Variants in MUC20 observed in about 807,000 individuals in gnomAD.
MUC20 encodes mucin 20, cell surface associated, also known as mucin-20.
In MUC20, 14 loss-of-function variants were observed where a neutral mutation model predicts 23.8. The observed-to-expected ratio is 0.59, with a 90% confidence interval of 0.39 to 0.92. MUC20 has a LOEUF of 0.92. Among genes scored for constraint, MUC20 ranks in the 40% least tolerant of loss-of-function variants. The pLI, the probability that MUC20 is intolerant of heterozygous loss-of-function variation, is 0.00. For missense variants in MUC20, 375 were observed against 668.8 expected (o/e 0.56, Z 4.85); for synonymous variants, 166 against 279.3 (o/e 0.59, Z 4.04).
In MUC20 at chr3:195,733,159, G is replaced by C; in HGVS notation, c.2071G>C (p.Glu691Gln). ...AERLMQQLHR[E>Q]LHAHAPHFQV... Reference sequence around the variant, plus strand: ...CTCTTTTGCTCTCCAGCTCCACCGGGAACTCCACGCCCACGCGCCTCACTT... The same window carrying C: ...CTCTTTTGCTCTCCAGCTCCACCGGCAACTCCACGCCCACGCGCCTCACTT... The change falls in exon 4 of 4, where the codon GAA becomes CAA. Residue 691 changes from glutamate to glutamine, a missense_variant. Around this residue, in one of 4 missense-constraint regions of MUC20, gnomAD observed 343 missense variants for 340.2 expected, o/e 1.01. Transcript: ENST00000447234. 3 of 1,591,484 alleles carry C rather than the reference G, an allele frequency of 1.9e-6. No homozygotes were observed. The highest frequency in any genetic ancestry group is 1.2e-5 in the South Asian group (1 of 86,384).
intron 3 of MUC20, 153 bp downstream of exon 3, chr3:195,729,892 C>G: frequency 1.3e-6 from 1 of 767,080 alleles, no homozygotes; most frequent in Non-Finnish European, 2.1e-6. Flanking sequence ...CTGAGGATCT[C>G]TGCCTGGCTT....
chr3:195,723,634 C>T (rs1407670632), intron 1 of MUC20, among the ~76,000 whole-genome samples: 4 of 81,428 alleles, frequency 4.9e-5, no homozygotes, highest in Non-Finnish European at 9.9e-5. Context: ...CAAATTTAAC[C>T]GAGTACCCTG....
rs1479582756 is a variant in MUC20 at position 195,721,280 on chromosome 3, G to A, written c.76+197G>A. 2.7e-3 allele frequency among the ~76,000 whole-genome samples: 411 copies of A among 151,798 alleles called. 1 individual carries two copies. Among genetic ancestry groups the A allele is most frequent in the African/African-American group, 9.3e-3 (384 of 41,098 alleles). On this transcript the variant is annotated intron_variant, in intron 1 of 3. Transcript: ENST00000447234. ...CAGTGTGAGTGTAAGCGTGCATGGC[G>A]CTGCAGTACACACTAATCAACCATG...
Position 195,729,793 on chromosome 3 carries a change from G to C in MUC20, c.2061+54G>C, listed in dbSNP as rs1361542405. ...GTAGAGGAAGGGGCGAGGTTCGCAG[G>C]GGCTGCAGGGAAGACCCGCAGGACA... On this transcript the variant is annotated intron_variant, in intron 3 of 3. Transcript: ENST00000447234. The C allele has an allele frequency of 4.0e-6, 6 of 1,510,086 alleles. No individual in the cohort carries two copies. The African/African-American group carries it at 6.9e-5, about 17-fold the overall frequency. 93.5% of individuals were successfully genotyped at this position (1,510,086 alleles called of 1,614,324 possible). A position where few individuals can be genotyped will look rare whatever the true frequency, so the allele number is the denominator to read the frequency against.
intron 3 of MUC20, chr3:195,730,237 T>A (rs962256122): frequency 6.4e-6 from 1 of 157,254 alleles, no homozygotes; most frequent in African/African-American, 2.4e-5. Flanking sequence ...CTTTACTCCC[T>A]TCATTCTTCA....
In MUC20 at chr3:195,729,695, G is replaced by T; in HGVS notation, c.2017G>T (p.Glu673Ter). ...CCTGCGGCTGAGTGTGGCTTCCCCG[G>T]AAGACCTCACTGACCCCAGAGTGGC... ...LLLRLSVASP[E>*]DLTDPRVAER... The change falls in exon 3 of 4, where the codon GAA becomes TAA. Residue 673 changes from glutamate to a stop codon, truncating the protein, a stop_gained. Transcript: ENST00000447234. LOFTEE classifies it low-confidence loss of function (END_TRUNC). 6.3e-7 allele frequency: 1 copy of T among 1,597,262 alleles called. No homozygotes were observed. The highest frequency in any genetic ancestry group is 2.3e-5 in the East Asian group (1 of 44,262).
chr3:195,726,400 C>T lies in MUC20; in HGVS notation c.1797C>T (p.Pro599=). ...TPTMDIATKG[P]FPTSRDPLPS... is the part of the protein sequence containing the mutation. ...CCATGGACATCGCAACCAAGGGGCC[C>T]TTCCCCACCAGCAGGGACCCTCTTC... Residue 599 remains proline, a synonymous_variant, in exon 2 of 4, where the codon CCC becomes CCT. Coordinates refer to ENST00000447234, the MANE Select transcript of MUC20 (RefSeq NM_001282506.2). 6.2e-7 allele frequency: 1 copy of T among 1,614,082 alleles called. No individual in the cohort carries two copies. The highest frequency in any genetic ancestry group is 8.5e-7 in the Non-Finnish European group (1 of 1,179,898).
At chr3:195,729,401 C>T in intron 2 of MUC20, 1 of 481,012 alleles carries the variant, frequency 2.1e-6, no homozygotes, top group Non-Finnish European at 3.7e-6. Context: ...ACCACAACCT[C>T]CGCCTCCCAG....
chr3:195,722,054 T>G, intron 1 of MUC20: 1 of 172,454 alleles, frequency 5.8e-6, no homozygotes, highest in Non-Finnish European at 1.1e-5. Context: ...CAGTGGAGAG[T>G]CTGGAGTTCC....
intron 2 of MUC20, 48 bp downstream of exon 2, chr3:195,726,620 T>A (rs767760671): frequency 1.3e-6 from 2 of 1,567,566 alleles, no homozygotes; most frequent in Admixed American, 3.5e-5. Flanking sequence ...ATGCGGAGTT[T>A]CCAGGACGTC....
chr3:195,729,479 G>C, intron 2 of MUC20, 169 bp from the exon 3 acceptor site: 1 of 661,278 alleles, frequency 1.5e-6, no homozygotes, highest in Non-Finnish European at 2.6e-6. Context: ...ACCATGCCCG[G>C]CTCATTTTGT....
rs1291473171 is a variant in MUC20 at position 195,725,764 on chromosome 3, C to T, written c.1161C>T (p.Ala387=). The change falls in exon 2 of 4, where the codon GCC becomes GCT. Residue 387 remains alanine (A), a synonymous_variant. Transcript: ENST00000447234. ...CGTCACGGGCCTCAGAGAGCAGCGC[C>T]TCTTCCGACGGCCCCCATCCAGTCA... The part of the protein sequence containing the change: ...ITPSRASESS[A]SSDGPHPVIT... 1 of 1,473,458 alleles carries T rather than the reference C, an allele frequency of 6.8e-7. No individual in the cohort carries two copies. Among genetic ancestry groups the T allele is most frequent in the East Asian group, 2.3e-5 (1 of 43,142 alleles). 91.3% of individuals were successfully genotyped at this position (1,473,458 alleles called of 1,614,324 possible).
chr3:195,727,546 T>C (rs1352967205), intron 2 of MUC20, among the ~76,000 whole-genome samples: 1 of 152,288 alleles, frequency 6.6e-6, no homozygotes, highest in Non-Finnish European at 1.5e-5. Flanking sequence ...CACTCTGCCC[T>C]TGGGCCTCAT....
In MUC20 at chr3:195,729,671, C is replaced by T. The variant is rs1311527695; in HGVS notation, c.1993C>T (p.Leu665=). The change falls in exon 3 of 4, where the codon CTG becomes TTG. Residue 665 remains leucine (L), a synonymous_variant. Transcript: ENST00000447234. The part of the protein sequence containing the change: ...SAGENGGFLL[L]RLSVASPEDL... ...AGGTGAAAATGGAGGTTTCCTCCTC[C>T]TGCGGCTGAGTGTGGCTTCCCCGGA... 7.5e-6 allele frequency: 12 copies of T among 1,591,334 alleles called. No individual in the cohort carries two copies. Among genetic ancestry groups the T allele is most frequent in the South Asian group, 1.1e-5 (1 of 87,420 alleles).
chr3:195,721,330 C>T (rs1411735831), intron 1 of MUC20, among the ~76,000 whole-genome samples: 1 of 152,132 alleles, frequency 6.6e-6, no homozygotes, highest in African/African-American at 2.4e-5. Context: ...TGTAAGCGTG[C>T]CTGGCGCTGC....
chr3:195,730,819 A>G (rs1328273711), intron 3 of MUC20, among the ~76,000 whole-genome samples: 3 of 152,250 alleles, frequency 2.0e-5, no homozygotes, highest in African/African-American at 7.2e-5. Context: ...GATGAGGACC[A>G]TGATTGGGAT....
At chr3:195,727,095 G>A (rs1418585253) in intron 2 of MUC20, among the ~76,000 whole-genome samples, 3 of 152,290 alleles carry the variant, frequency 2.0e-5, no homozygotes. Flanking sequence ...GCCATAGATA[G>A]TGACTTAAAA....
chr3:195,733,068 C>G (rs958650347), intron 3 of MUC20, 82 bp from the exon 4 acceptor site: 2 of 1,450,414 alleles, frequency 1.4e-6, no homozygotes, highest in Non-Finnish European at 1.9e-6. Context: ...CACTCTGCCC[C>G]AGTGTCCCTT....
At chr3:195,723,556 T>C (rs2688537) in intron 1 of MUC20, among the ~76,000 whole-genome samples, 26,378 of 84,402 alleles carry the variant, frequency 0.31, 864 homozygotes, top group Non-Finnish European at 0.35. Context: ...AGTGTAAGTA[T>C]GTAGCCAATA....
Sources: gnomAD v4.1 joint callset for allele counts (sites outside exome capture counted in the v4.1 genomes callset) on GRCh38, gnomAD v4.1.1 for gene constraint, gnomAD v4.1.1 regional missense constraint, MANE v1.5 for transcripts, NCBI Gene and HGNC (gene_info 2026-07-23, HGNC 2026-07-21) for gene names.